Variants in MDFIC2 observed in about 807,000 individuals in gnomAD.
The protein encoded by MDFIC2 is myoD family inhibitor domain-containing protein 2.
intron 2 of MDFIC2, among the ~76,000 whole-genome samples, chr3:70,221,262 A>G (rs1200391147): frequency 1.3e-5 from 2 of 152,180 alleles, no homozygotes; most frequent in African/African-American, 4.8e-5. Flanking sequence ...GCTAACATTC[A>G]CTTCACACTA....
intron 2 of MDFIC2, among the ~76,000 whole-genome samples, chr3:70,276,081 A>T (rs1266050701): frequency 1.3e-5 from 2 of 152,184 alleles, no homozygotes; most frequent in African/African-American, 2.4e-5. Context: ...AAATACAATT[A>T]TAATTAAGAT....
chr3:70,206,214 C>T lies in MDFIC2; in HGVS notation c.310+355G>A, dbSNP rs1437672977. On this transcript the variant is annotated intron_variant, in intron 3 of 3. Transcript: ENST00000567252. ...GCATTTTAATACTATTTCTCTCTGC[C>T]TTCTTTTCTCTGACTAGAGTTATAG... Among the ~76,000 whole-genome samples the T allele has an allele frequency of 2.0e-5, 3 of 151,922 alleles. No individual in the cohort carries two copies. In the East Asian group the frequency reaches 5.8e-4, roughly 29 times the overall value.
chr3:70,297,919 G>A (rs1447639537), intron 2 of MDFIC2, among the ~76,000 whole-genome samples: 3 of 152,020 alleles, frequency 2.0e-5, no homozygotes, highest in Non-Finnish European at 2.9e-5. Flanking sequence ...TTTGTTTATG[G>A]TTTAAAGCTT....
At chr3:70,220,386 C>A (rs1357803864) in intron 2 of MDFIC2, among the ~76,000 whole-genome samples, 1 of 151,950 alleles carries the variant, frequency 6.6e-6, no homozygotes, top group Non-Finnish European at 1.5e-5. Context: ...CTGCAGTGAG[C>A]TATGATGGCA....
intron 2 of MDFIC2, among the ~76,000 whole-genome samples, chr3:70,303,400 TAGG>T (rs1490150824): frequency 6.6e-6 from 1 of 152,076 alleles, no homozygotes; most frequent in Non-Finnish European, 1.5e-5. Context: ...AGGAGGAGAA[TAGG>T]AGGAAAAAAA....
rs532486707 is a variant in MDFIC2 at position 70,309,876 on chromosome 3, A to G, written c.88+2010T>C. Reference sequence around the variant, plus strand: ...AGATTTTATAGATTACAAGAATTCAATGCCTACGCTGTACTTAATGGACAC... The same window carrying G: ...AGATTTTATAGATTACAAGAATTCAGTGCCTACGCTGTACTTAATGGACAC... On this transcript the variant is annotated intron_variant, in intron 2 of 3. Transcript: ENST00000567252. Among the ~76,000 whole-genome samples, 23 of 152,322 alleles carry G rather than the reference A, an allele frequency of 1.5e-4. 1 individual carries two copies. The highest frequency in any genetic ancestry group is 4.6e-4 in the African/African-American group (19 of 41,564).
chr3:70,197,370 G>A (rs1370126355), intron 3 of MDFIC2, among the ~76,000 whole-genome samples, 185 bp from the exon 4 acceptor site: 1 of 152,104 alleles, frequency 6.6e-6, no homozygotes, highest in African/African-American at 2.4e-5. Context: ...CTCTACTTAA[G>A]TAATTGCTTT....
At chr3:70,299,663 T>C (rs1702327803) in intron 2 of MDFIC2, among the ~76,000 whole-genome samples, 1 of 152,114 alleles carries the variant, frequency 6.6e-6, no homozygotes, top group Non-Finnish European at 1.5e-5. Flanking sequence ...TGCCTTCTCA[T>C]TTGTGGATGC....
At chr3:70,252,635 G>C (rs1408542129) in intron 2 of MDFIC2, among the ~76,000 whole-genome samples, 1 of 152,168 alleles carries the variant, frequency 6.6e-6, no homozygotes, top group Non-Finnish European at 1.5e-5. Flanking sequence ...TTTATAGGAG[G>C]TAACTATTTG....
At chr3:70,281,657 G>A (rs959170207) in intron 2 of MDFIC2, among the ~76,000 whole-genome samples, 1 of 152,060 alleles carries the variant, frequency 6.6e-6, no homozygotes, top group African/African-American at 2.4e-5. Context: ...ATTTATGCAC[G>A]ATGGTTCTTC....
intron 2 of MDFIC2, among the ~76,000 whole-genome samples, chr3:70,231,341 C>T (rs1455349008): frequency 1.3e-5 from 2 of 152,168 alleles, no homozygotes; most frequent in African/African-American, 2.4e-5. Context: ...ACAAGCAGCC[C>T]GCCATCTCTC....
At position 70,208,203 on chromosome 3, in the gene MDFIC2, C is replaced by T. The variant is rs17006840; in HGVS notation, c.89-1413G>A. ...TCGTGGTTTGGTGGCACAACTGGGA[C>T]GTGGTCAAGAGGTGTCCTTGGGAAT... On this transcript the variant is annotated intron_variant, in intron 2 of 3. Transcript: ENST00000567252. Among the ~76,000 whole-genome samples, 6 of 152,152 alleles carry T rather than the reference C, an allele frequency of 3.9e-5. No homozygotes were observed. The East Asian group carries it at 7.8e-4, about 20-fold the overall frequency.
intron 3 of MDFIC2, among the ~76,000 whole-genome samples, chr3:70,202,480 T>C (rs1381700555): frequency 6.6e-6 from 1 of 152,146 alleles, no homozygotes; most frequent in African/African-American, 2.4e-5. Flanking sequence ...ACTTTTCTGC[T>C]CTTCTAAAAC....
intron 2 of MDFIC2, among the ~76,000 whole-genome samples, chr3:70,311,396 AT>A (rs1434434691): frequency 4.6e-5 from 7 of 152,160 alleles, no homozygotes; most frequent in Admixed American, 3.9e-4. Flanking sequence ...TCAAGCAACC[AT>A]TTTACGCATG....
chr3:70,248,501 A>G (rs1257144166), intron 2 of MDFIC2, among the ~76,000 whole-genome samples: 1 of 152,150 alleles, frequency 6.6e-6, no homozygotes, highest in African/African-American at 2.4e-5. Flanking sequence ...GGCATAGCTC[A>G]GAACTTGGAG....
At chr3:70,285,416 T>C (rs1163480843) in intron 2 of MDFIC2, among the ~76,000 whole-genome samples, 2 of 152,086 alleles carry the variant, frequency 1.3e-5, no homozygotes, top group East Asian at 1.9e-4. Flanking sequence ...CATAGTATTC[T>C]ATGGTGTATA....
chr3:70,247,581 T>C (rs74707913), intron 2 of MDFIC2, among the ~76,000 whole-genome samples: 21,596 of 151,868 alleles, frequency 0.14, 2,282 homozygotes, highest in East Asian at 0.54. Flanking sequence ...CACAACTCAA[T>C]TCTATTAGAA....
intron 2 of MDFIC2, among the ~76,000 whole-genome samples, chr3:70,268,473 T>C (rs1457876248): frequency 9.8e-5 from 1 of 10,242 alleles, no homozygotes; most frequent in African/African-American, 5.8e-4. Context: ...AGACTCCGTC[T>C]CAAAAAAAAA....
chr3:70,289,907 C>A (rs1702213955), intron 2 of MDFIC2, among the ~76,000 whole-genome samples: 2 of 151,948 alleles, frequency 1.3e-5, no homozygotes, highest in Admixed American at 6.6e-5. Flanking sequence ...GTTTTCAGCT[C>A]CATCAGCTCC....
Sources: gnomAD v4.1 joint callset for allele counts (sites outside exome capture counted in the v4.1 genomes callset) on GRCh38, gnomAD v4.1.1 for gene constraint, MANE v1.5 for transcripts, NCBI Gene and HGNC (gene_info 2026-07-23, HGNC 2026-07-21) for gene names.